The following SLC22A23 variants were observed in gnomAD, a reference collection of about 807,000 sequenced individuals.
The protein encoded by SLC22A23 is solute carrier family 22 member 23.
A neutral mutation model predicts 61.0 loss-of-function variants in SLC22A23; 26 were observed. The ratio of observed to expected loss-of-function variants is 0.43; its 90% CI spans 0.31 to 0.59. The LOEUF is 0.59. Among genes scored for constraint, SLC22A23 ranks in the 20% least tolerant of loss-of-function variants. The probability of loss-of-function intolerance (pLI) is 0.11; values close to 1 mark genes in which losing one functional copy is unlikely to be tolerated. For missense variants in SLC22A23, 796 were observed against 934.7 expected (o/e 0.85, Z 1.94); for synonymous variants, 430 against 413.9 (o/e 1.04, Z -0.47).
intron 3 of SLC22A23, among the ~76,000 whole-genome samples, chr6:3,355,710 T>C (rs13197104): frequency 0.39 from 58,866 of 151,342 alleles, 12,131 homozygotes; most frequent in Middle Eastern, 0.48. Context: ...AAATTTACTC[T>C]CAATTTCTGG....
intron 8 of SLC22A23, 52 bp downstream of exon 8, chr6:3,285,027 A>AT: frequency 1.2e-6 from 2 of 1,603,990 alleles, no homozygotes; most frequent in Admixed American, 3.4e-5. Context: ...GAAAACACCC[A>AT]TTTAGATGTA....
chr6:3,334,880 A>G (rs1313430192), intron 3 of SLC22A23, among the ~76,000 whole-genome samples: 6 of 152,204 alleles, frequency 3.9e-5, no homozygotes, highest in Admixed American at 3.9e-4. Context: ...CAAGGGGAAA[A>G]TAAGGTCACA....
chr6:3,447,006 G>A (rs1420156972), intron 1 of SLC22A23, among the ~76,000 whole-genome samples: 3 of 150,246 alleles, frequency 2.0e-5, no homozygotes, highest in Admixed American at 6.6e-5. Flanking sequence ...TCCCCACCAC[G>A]CGAGATCTCA....
chr6:3,282,091 C>T, intron 9 of SLC22A23: 1 of 645,606 alleles, frequency 1.5e-6, no homozygotes, highest in South Asian at 1.8e-5. Context: ...ACCCCCTCCC[C>T]CAACAAAATA....
chr6:3,278,829 C>T (rs768701567), intron 9 of SLC22A23, among the ~76,000 whole-genome samples: 3 of 152,166 alleles, frequency 2.0e-5, no homozygotes, highest in Admixed American at 6.5e-5. Flanking sequence ...AGCATTTTCT[C>T]GGAAACCTCC....
At chr6:3,356,592 C>T (rs1272004215) in intron 3 of SLC22A23, among the ~76,000 whole-genome samples, 1 of 152,162 alleles carries the variant, frequency 6.6e-6, no homozygotes, top group Non-Finnish European at 1.5e-5. Flanking sequence ...ATTTTAGAAC[C>T]AAACCCGCTG....
At chr6:3,439,614 C>T (rs766941683) in intron 1 of SLC22A23, among the ~76,000 whole-genome samples, 1 of 152,220 alleles carries the variant, frequency 6.6e-6, no homozygotes, top group Non-Finnish European at 1.5e-5. Context: ...AGCCAACTTA[C>T]GAATCTGTCC....
intron 4 of SLC22A23, among the ~76,000 whole-genome samples, chr6:3,299,174 T>A (rs932537908): frequency 6.6e-6 from 1 of 152,194 alleles, no homozygotes; most frequent in African/African-American, 2.4e-5. Context: ...GAGTAGCGGA[T>A]ATGAACAACA....
chr6:3,351,337 T>C (rs1764755667), intron 3 of SLC22A23, among the ~76,000 whole-genome samples: 3 of 152,110 alleles, frequency 2.0e-5, no homozygotes, highest in African/African-American at 7.2e-5. Context: ...CAATTTAGCC[T>C]CTTAGGGTGG....
chr6:3,285,215 C>T (rs1292138598), intron 7 of SLC22A23, 104 bp from the exon 8 acceptor site: 21 of 1,506,756 alleles, frequency 1.4e-5, no homozygotes, highest in African/African-American at 2.8e-5. Context: ...TGTTCCCATG[C>T]GACTTGGTTC....
chr6:3,446,869 C>T (rs1771920816), intron 1 of SLC22A23, among the ~76,000 whole-genome samples: 1 of 152,220 alleles, frequency 6.6e-6, no homozygotes, highest in Non-Finnish European at 1.5e-5. Context: ...GGCCTCACCT[C>T]AGCTGGCTAA....
At chr6:3,440,481 G>A (rs1054885895) in intron 1 of SLC22A23, among the ~76,000 whole-genome samples, 1 of 152,140 alleles carries the variant, frequency 6.6e-6, no homozygotes, top group Non-Finnish European at 1.5e-5. Flanking sequence ...GCCGAGGCAG[G>A]TGGATCATGA....
intron 3 of SLC22A23, among the ~76,000 whole-genome samples, chr6:3,407,337 G>A (rs1768909262): frequency 2.0e-5 from 3 of 152,252 alleles, no homozygotes; most frequent in South Asian, 4.2e-4. Flanking sequence ...CAGTGACTCC[G>A]CTTTTTGACT....
chr6:3,444,220 A>C (rs1771764150), intron 1 of SLC22A23, among the ~76,000 whole-genome samples: 1 of 152,130 alleles, frequency 6.6e-6, no homozygotes, highest in Admixed American at 6.5e-5. Context: ...GTCCCTGTCA[A>C]TCTCTAAATC....
intron 3 of SLC22A23, among the ~76,000 whole-genome samples, chr6:3,361,348 C>T (rs183640518): frequency 1.5e-4 from 22 of 150,276 alleles, no homozygotes; most frequent in Non-Finnish European, 2.5e-4. Flanking sequence ...TGGCCATGAC[C>T]GTTCATCCCA....
intron 3 of SLC22A23, among the ~76,000 whole-genome samples, chr6:3,401,026 A>G (rs1768350545): frequency 2.6e-5 from 4 of 152,216 alleles, no homozygotes; most frequent in Non-Finnish European, 4.4e-5. Flanking sequence ...GAAATATATC[A>G]CTAAATTGTG....
At position 3,308,665 on chromosome 6, in the gene SLC22A23, C is replaced by T. The variant is rs528094667; in HGVS notation, c.1083-10447G>A. On this transcript the variant is annotated intron_variant, in intron 4 of 9. Coordinates refer to ENST00000406686, the MANE Select transcript of SLC22A23 (RefSeq NM_015482.2). The surrounding 1 kb of genome is among the most constrained non-coding windows in gnomAD (Gnocchi z 5.1). ...ACCTAACATAAAACCACAGCATGGG[C>T]CGGGTGTGGTGGCTCACACCTGTAA... 1.3e-5 allele frequency among the ~76,000 whole-genome samples: 2 copies of T among 152,288 alleles called. No individual in the cohort carries two copies. The highest frequency in any genetic ancestry group is 1.3e-4 in the Admixed American group (2 of 15,302).
Position 3,322,464 on chromosome 6 carries a change from G to A in SLC22A23, c.1082+1370C>T, listed in dbSNP as rs926026040. On this transcript the variant is annotated intron_variant, in intron 4 of 9. Transcript: ENST00000406686. The surrounding 1 kb of genome is among the most constrained non-coding windows in gnomAD (Gnocchi z 4.1). ...CTGTTGGGGCACAAGGGCTGTCCTG[G>A]AACACGGTTGTGCTGCGGGAGGGGT... 2.0e-5 allele frequency among the ~76,000 whole-genome samples: 3 copies of A among 152,204 alleles called. No individual in the cohort carries two copies. The highest frequency in any genetic ancestry group is 7.2e-5 in the African/African-American group (3 of 41,440).
At chr6:3,361,187 C>T (rs1369893887) in intron 3 of SLC22A23, among the ~76,000 whole-genome samples, 1 of 151,834 alleles carries the variant, frequency 6.6e-6, no homozygotes, top group Non-Finnish European at 1.5e-5. Context: ...CACACCCCCT[C>T]AACTGTCTTT....
Sources: allele counts gnomAD v4.1 joint callset (sites outside exome capture counted in the v4.1 genomes callset), GRCh38; gene constraint gnomAD v4.1.1; non-coding constraint Gnocchi (gnomAD v3.1); transcripts MANE v1.5; gene names NCBI Gene and HGNC (gene_info 2026-07-23, HGNC 2026-07-21).